TM2D3: variants seen among roughly 807,000 people sequenced by gnomAD.
The protein encoded by TM2D3 is TM2 domain containing 3.
A neutral mutation model predicts 27.3 loss-of-function variants in TM2D3; 33 were observed. The ratio of observed to expected loss-of-function variants is 1.21; its 90% CI spans 0.92 to 1.61. The LOEUF is 1.61. TM2D3 is among the 40% of genes most tolerant of loss of function. The pLI is 0.00. For missense variants in TM2D3, 364 were observed against 320.8 expected, an observed-to-expected ratio of 1.13 and a Z score of -1.03; for synonymous variants, 138 against 122.2, an observed-to-expected ratio of 1.13 and a Z score of -0.85.
rs1247935989 is a variant in TM2D3, at chr15:101,647,898, AT to A, written c.328-1000del. On this transcript the variant is annotated intron_variant, in intron 3 of 5. Coordinates refer to ENST00000333202, the MANE Select transcript of TM2D3 (RefSeq NM_078474.3). ...ACATATATATACACATACACACATT[AT>A]TTTTTTTTCTTTTTTTGAGATGGAG... 4.0e-5 allele frequency among the ~76,000 whole-genome samples: 6 copies of A among 150,824 alleles called. No homozygotes were observed. The East Asian group carries it at 5.9e-4, about 15-fold the overall frequency.
chr15:101,640,779 T>C (rs1596261198), downstream of TM2D3, among the ~76,000 whole-genome samples: 1 of 152,258 alleles, frequency 6.6e-6, no homozygotes, highest in Admixed American at 6.5e-5. Flanking sequence ...CTGGCTTACA[T>C]CCTTCAGGTT....
chr15:101,645,244 T>C (rs1292012434), intron 4 of TM2D3, 82 bp from the exon 5 acceptor site: 2 of 1,213,272 alleles, frequency 1.6e-6, no homozygotes, highest in Admixed American at 4.9e-5. Context: ...GGGCTCAAAA[T>C]TTAAAATGTG....
At chr15:101,647,984 G>A (rs540273129) in intron 3 of TM2D3, among the ~76,000 whole-genome samples, 4 of 151,692 alleles carry the variant, frequency 2.6e-5, no homozygotes, top group East Asian at 1.9e-4. Flanking sequence ...TTCAACCTCC[G>A]CCTCCCAGGT....
At chr15:101,650,670 C>G (rs1896944750) in intron 2 of TM2D3, 2 of 152,300 alleles carry the variant, frequency 1.3e-5, no homozygotes, top group Admixed American at 6.5e-5. Context: ...CATTATTTCA[C>G]ACTGGTACTT....
chr15:101,639,885 C>T (rs374640879), downstream of TM2D3, among the ~76,000 whole-genome samples: 43 of 152,264 alleles, frequency 2.8e-4, no homozygotes, highest in African/African-American at 9.6e-4. Flanking sequence ...TCTGTGTGCA[C>T]GGCATTGTTC....
At position 101,646,808 on chromosome 15, in the gene TM2D3, T is replaced by G; in HGVS notation, c.419A>C (p.Asn140Thr). The change falls in exon 4 of 6, where the codon AAC (asparagine) becomes ACC (threonine). Residue 140 changes from asparagine (N) to threonine (T), a missense_variant. By Grantham distance (65) the Asn-to-Thr change is moderately conservative. Transcript: ENST00000333202. ...QLPETDYECTNSTSCMTVSCP... is the reference protein window; with the variant it reads ...QLPETDYECTTSTSCMTVSCP... ...GGACACCGTCATGCAGCTGGTGGAG[T>G]TGGTACACTCGTAATCTGTTTCAGG... 5 of 1,614,030 alleles carry G rather than the reference T, an allele frequency of 3.1e-6. No homozygotes were observed. Among genetic ancestry groups the G allele is most frequent in the Non-Finnish European group, 3.4e-6 (4 of 1,179,972 alleles).
chr15:101,648,634 A>T (rs1896883541), intron 3 of TM2D3, among the ~76,000 whole-genome samples: 1 of 152,202 alleles, frequency 6.6e-6, no homozygotes, highest in Non-Finnish European at 1.5e-5. Context: ...ACACATAGGC[A>T]CATTTATGTC....
At chr15:101,639,402 CAT>C (rs1385943632), downstream of TM2D3, among the ~76,000 whole-genome samples, 5 of 150,902 alleles carry the variant, frequency 3.3e-5, no homozygotes, top group African/African-American at 9.8e-5. Flanking sequence ...CCTTTTTATG[CAT>C]ATTCTACTTA....
chr15:101,636,774 C>A (rs1596258461), intron 4 of TM2D3: 1 of 233,692 alleles, frequency 4.3e-6, no homozygotes, highest in East Asian at 1.4e-4. Flanking sequence ...CATCACTTTA[C>A]ATCCCCACCA....
At chr15:101,639,735 C>T (rs920825337), downstream of TM2D3, among the ~76,000 whole-genome samples, 1 of 149,206 alleles carries the variant, frequency 6.7e-6, no homozygotes, top group Non-Finnish European at 1.5e-5. Context: ...CATGGTGTTA[C>T]AGACAAATAT....
chr15:101,634,609 T>TA (rs1378075091), intron 4 of TM2D3: 1 of 152,156 alleles, frequency 6.6e-6, no homozygotes, highest in African/African-American at 2.4e-5. Flanking sequence ...TCGTCACTGA[T>TA]AAAACACATG....
chr15:101,633,971 A>C, intron 4 of TM2D3: 1 of 380,400 alleles, frequency 2.6e-6, no homozygotes, highest in Admixed American at 4.4e-5. Context: ...AACACTCTTA[A>C]TACAAATAGA....
downstream of TM2D3, chr15:101,641,737 C>G: frequency 3.3e-6 from 1 of 303,694 alleles, no homozygotes; most frequent in Non-Finnish European, 4.8e-6. Flanking sequence ...AATTATGACT[C>G]TGTTAGAATG....
chr15:101,645,440 G>A (rs1178878536), intron 4 of TM2D3: 8 of 371,706 alleles, frequency 2.2e-5, no homozygotes, highest in African/African-American at 1.1e-4. Context: ...GTAGTCTTGA[G>A]GCATAAAAAT....
chr15:101,649,580 T>G (rs1235138402), intron 3 of TM2D3, among the ~76,000 whole-genome samples: 2 of 152,254 alleles, frequency 1.3e-5, no homozygotes, highest in African/African-American at 4.8e-5. Flanking sequence ...TGAATCCATC[T>G]TCTCACCACA....
At chr15:101,639,159 G>A (rs932973265), downstream of TM2D3, among the ~76,000 whole-genome samples, 1 of 152,218 alleles carries the variant, frequency 6.6e-6, no homozygotes, top group Non-Finnish European at 1.5e-5. Context: ...AATAGGTCTA[G>A]TGCATAGCAT....
At chr15:101,637,316 T>A (rs1207828929), downstream of TM2D3, among the ~76,000 whole-genome samples, 2 of 152,182 alleles carry the variant, frequency 1.3e-5, no homozygotes, top group African/African-American at 2.4e-5. Context: ...AGATTGGAAA[T>A]GTTTCTTAGA....
chr15:101,646,950 A>T, intron 3 of TM2D3, 51 bp from the exon 4 acceptor site: 1 of 1,600,434 alleles, frequency 6.2e-7, no homozygotes, highest in Non-Finnish European at 8.6e-7. Context: ...GTAGTCTGTT[A>T]AGATGTCAGT....
At chr15:101,638,597 C>T (rs1896601415), downstream of TM2D3, among the ~76,000 whole-genome samples, 1 of 152,178 alleles carries the variant, frequency 6.6e-6, no homozygotes, top group Non-Finnish European at 1.5e-5. Context: ...CACGTCTGGC[C>T]TCCAGTGAGA....
Sources: gnomAD v4.1 joint callset for allele counts (sites outside exome capture counted in the v4.1 genomes callset) on GRCh38, gnomAD v4.1.1 for gene constraint, MANE v1.5 for transcripts, NCBI Gene and HGNC (gene_info 2026-07-23, HGNC 2026-07-21) for gene names.